The following PTPRE variants were observed in gnomAD, a reference collection of about 807,000 sequenced individuals.
PTPRE encodes the protein protein tyrosine phosphatase receptor type E, also known as receptor-type tyrosine-protein phosphatase epsilon.
In PTPRE, 51 loss-of-function variants were observed where a neutral mutation model predicts 102.0. The ratio of observed to expected loss-of-function variants is 0.50; its 90% CI spans 0.40 to 0.63. The LOEUF is 0.63. PTPRE is among the 30% of genes least tolerant of loss of function. The pLI, the probability that PTPRE is intolerant of heterozygous loss-of-function variation, is 0.00. For synonymous variants in PTPRE, 345 were observed against 348.2 expected (o/e 0.99, Z 0.10); for missense variants, 752 against 915.1 (o/e 0.82, Z 2.30).
At chr10:127,951,641 A>G (rs1564822338) in intron 1 of PTPRE, among the ~76,000 whole-genome samples, 1 of 152,268 alleles carries the variant, frequency 6.6e-6, no homozygotes, top group Admixed American at 6.5e-5. Context: ...AGCAGCTGGC[A>G]GAATCCTCAC....
At chr10:127,914,922 T>A (rs1846107692) in intron 1 of PTPRE, among the ~76,000 whole-genome samples, 2 of 152,202 alleles carry the variant, frequency 1.3e-5, no homozygotes, top group Non-Finnish European at 2.9e-5. Context: ...GGCGTGGAGC[T>A]AATATTCAGA....
In PTPRE at chr10:128,028,881, G is replaced by T. The variant is rs1646859917; in HGVS notation, c.-7-11994G>T. 6.6e-6 allele frequency among the ~76,000 whole-genome samples: 1 copy of T among 152,132 alleles called. No individual in the cohort carries two copies. The highest frequency in any genetic ancestry group is 2.4e-5 in the African/African-American group (1 of 41,440). On this transcript the variant is annotated intron_variant, in intron 2 of 20. Transcript: ENST00000254667. The surrounding 1 kb of genome is among the most constrained non-coding windows in gnomAD (Gnocchi z 4.5). Reference sequence around the variant, plus strand: ...CAGACGTCTGGCCCTCGTCCCGAATGCTGTCCCCTCTGGCCTCAGCTGTCC... The same window carrying T: ...CAGACGTCTGGCCCTCGTCCCGAATTCTGTCCCCTCTGGCCTCAGCTGTCC...
intron 7 of PTPRE, among the ~76,000 whole-genome samples, chr10:128,059,182 T>G (rs1849283480): frequency 6.6e-6 from 1 of 152,230 alleles, no homozygotes; most frequent in Non-Finnish European, 1.5e-5. Context: ...CATTCCAAAT[T>G]ATTTTCAACT....
intron 5 of PTPRE, 102 bp downstream of exon 5, chr10:128,047,939 G>A: frequency 4.0e-6 from 5 of 1,244,170 alleles, no homozygotes; most frequent in Non-Finnish European, 5.5e-6. Context: ...AAATTTTGAG[G>A]TGTGCCTTGC....
chr10:128,077,884 C>T (rs1264524832), intron 19 of PTPRE, 101 bp downstream of exon 19: 17 of 1,353,366 alleles, frequency 1.3e-5, no homozygotes, highest in Non-Finnish European at 1.4e-5. Context: ...TGCCCCTGGC[C>T]ATGGTATTCC....
rs118104374 is a variant in PTPRE, at chr10:127,994,377, C to A, written c.-8+12081C>A. 8.8e-4 allele frequency among the ~76,000 whole-genome samples: 134 copies of A among 152,308 alleles called. 3 individuals are homozygous for A. In the East Asian group the frequency reaches 0.025, roughly 28 times the overall value. Reference sequence around the variant, plus strand: ...CAGCCCCAAGTTACTTTCTGTACCCCCGTTTTACTTTATATTGTCATTAAA... The same window carrying A: ...CAGCCCCAAGTTACTTTCTGTACCCACGTTTTACTTTATATTGTCATTAAA... On this transcript the variant is annotated intron_variant, in intron 2 of 20. Transcript: ENST00000254667.
intron 1 of PTPRE, among the ~76,000 whole-genome samples, chr10:127,916,156 G>A (rs962273047): frequency 2.0e-5 from 3 of 152,152 alleles, no homozygotes; most frequent in African/African-American, 7.2e-5. Context: ...CAGTGACGTG[G>A]TCTGGCTCTG....
intron 3 of PTPRE, among the ~76,000 whole-genome samples, chr10:128,043,850 C>T (rs1564919007): frequency 6.6e-6 from 1 of 152,154 alleles, no homozygotes; most frequent in Non-Finnish European, 1.5e-5. Context: ...GACAGACAGC[C>T]GTACCAGAAA....
In PTPRE at chr10:128,085,116, C is replaced by T. The variant is rs915135760; in HGVS notation, c.*2210C>T. 8.8e-6 allele frequency: 4 copies of T among 456,076 alleles called. No homozygotes were observed. The highest frequency in any genetic ancestry group is 6.0e-5 in the African/African-American group (3 of 50,086). The allele number at this position is 456,076 out of a possible 1,614,324, so 28.3% of individuals were successfully genotyped here. On this transcript the variant is annotated 3_prime_UTR_variant, in exon 21 of 21. Coordinates refer to ENST00000254667, the MANE Select transcript of PTPRE (RefSeq NM_006504.6). The stretch of plus-strand genomic sequence containing the variant: ...TTTCCCCAGGACGCAAGACTCTCCC[C>T]TCCACTGTCCGGGACAGCGTTCGCC...
intron 3 of PTPRE, among the ~76,000 whole-genome samples, chr10:128,046,895 T>C (rs529029031): frequency 1.3e-5 from 2 of 152,266 alleles, no homozygotes; most frequent in South Asian, 4.1e-4. Flanking sequence ...ACCTGGAGGC[T>C]CTGAAAGGTG....
chr10:128,053,693 C>T (rs1232468650), intron 6 of PTPRE, among the ~76,000 whole-genome samples: 1 of 152,214 alleles, frequency 6.6e-6, no homozygotes, highest in African/African-American at 2.4e-5. Flanking sequence ...CGTGGGGTGT[C>T]AGAGCTTGGT....
At chr10:128,024,335 T>C (rs1194196568) in intron 2 of PTPRE, among the ~76,000 whole-genome samples, 4 of 152,234 alleles carry the variant, frequency 2.6e-5, no homozygotes, top group Non-Finnish European at 1.5e-5. Flanking sequence ...TTTAAATGGG[T>C]AATTAGCCAT....
chr10:127,977,469 A>G (rs147761626), intron 1 of PTPRE, among the ~76,000 whole-genome samples: 21 of 152,324 alleles, frequency 1.4e-4, no homozygotes, highest in African/African-American at 5.1e-4. Context: ...TACGCATGCT[A>G]CACAAGCCAC....
intron 1 of PTPRE, among the ~76,000 whole-genome samples, chr10:127,936,488 T>C (rs539045050): frequency 6.6e-6 from 1 of 152,344 alleles, no homozygotes; most frequent in South Asian, 2.1e-4. Context: ...CTTGCCTTTC[T>C]TTCTGACACA....
At chr10:128,036,622 G>A (rs10764739) in intron 2 of PTPRE, among the ~76,000 whole-genome samples, 57,919 of 151,530 alleles carry the variant, frequency 0.38, 11,401 homozygotes, top group Admixed American at 0.45. Context: ...TCCCACCCCA[G>A]CTCCCAAGAT....
At chr10:127,928,377 T>G (rs1847183707) in intron 1 of PTPRE, among the ~76,000 whole-genome samples, 1 of 152,244 alleles carries the variant, frequency 6.6e-6, no homozygotes, top group Non-Finnish European at 1.5e-5. Context: ...GTTTGTTTCC[T>G]TGGAGCTTGG....
chr10:128,056,454 G>A (rs1848970208), intron 7 of PTPRE, among the ~76,000 whole-genome samples: 1 of 152,180 alleles, frequency 6.6e-6, no homozygotes, highest in Non-Finnish European at 1.5e-5. Context: ...TTACTGTTGG[G>A]ACCTGGGCTG....
intron 1 of PTPRE, among the ~76,000 whole-genome samples, chr10:127,949,266 C>G (rs944045922): frequency 6.6e-6 from 1 of 152,152 alleles, no homozygotes; most frequent in Admixed American, 6.5e-5. Flanking sequence ...TCAAGTAAAT[C>G]CCTTCCCATG....
chr10:128,044,356 C>G (rs969240180), intron 3 of PTPRE, among the ~76,000 whole-genome samples: 2 of 152,168 alleles, frequency 1.3e-5, no homozygotes, highest in African/African-American at 2.4e-5. Flanking sequence ...ATAGGGGACA[C>G]AGTGAGAGCA....
Sources: gnomAD v4.1 joint callset for allele counts (sites outside exome capture counted in the v4.1 genomes callset) on GRCh38, gnomAD v4.1.1 for gene constraint, Gnocchi (gnomAD v3.1) non-coding constraint, MANE v1.5 for transcripts, NCBI Gene and HGNC (gene_info 2026-07-23, HGNC 2026-07-21) for gene names.